Variants in NFIX observed in about 807,000 individuals in gnomAD.
NFIX encodes nuclear factor 1 X-type.
NFIX carries 2 observed loss-of-function variants against 53.3 expected under a neutral mutation model. That is an observed-to-expected ratio of 0.04 (90% CI 0.02 to 0.12). NFIX has a LOEUF of 0.12. Ranked by LOEUF, NFIX falls within the 10% of genes least tolerant of loss-of-function variation. The pLI, the probability that NFIX is intolerant of heterozygous loss-of-function variation, is 1.00. For missense variants in NFIX, 310 were observed against 674.5 expected, an observed-to-expected ratio of 0.46 and a Z score of 5.99; for synonymous variants, 244 against 289.0, an observed-to-expected ratio of 0.84 and a Z score of 1.58.
chr19:13,003,408 C>T (rs1599704818), intron 1 of NFIX, among the ~76,000 whole-genome samples: 2 of 152,130 alleles, frequency 1.3e-5, no homozygotes, highest in Admixed American at 6.5e-5. Flanking sequence ...GCTCTGCCAC[C>T]GTCAAATGCA....
intron 1 of NFIX, chr19:13,024,362 T>G: frequency 6.7e-6 from 3 of 446,544 alleles, no homozygotes; most frequent in Non-Finnish European, 8.9e-6. Context: ...ATATTTAGGA[T>G]TTAGGTCTGA....
intron 2 of NFIX, among the ~76,000 whole-genome samples, chr19:13,047,829 G>T (rs922443): frequency 0.016 from 2,429 of 152,280 alleles, 33 homozygotes; most frequent in African/African-American, 0.033. Flanking sequence ...ACTTGGGGAA[G>T]ACAGGCCCCT....
intron 2 of NFIX, among the ~76,000 whole-genome samples, chr19:13,031,596 A>T (rs1427726099): frequency 6.6e-6 from 1 of 152,148 alleles, no homozygotes; most frequent in Non-Finnish European, 1.5e-5. Flanking sequence ...TCTTGCGTGT[A>T]CCTGGCAGGC....
chr19:13,069,244 T>C (rs1237632286), intron 2 of NFIX, among the ~76,000 whole-genome samples: 1 of 151,818 alleles, frequency 6.6e-6, no homozygotes, highest in Non-Finnish European at 1.5e-5. Flanking sequence ...AACTTGGGGG[T>C]GCACAGTTAG....
chr19:13,058,614 C>T (rs2145356946), intron 2 of NFIX, among the ~76,000 whole-genome samples: 1 of 151,580 alleles, frequency 6.6e-6, no homozygotes, highest in African/African-American at 2.4e-5. Flanking sequence ...GGTCCTTAAG[C>T]CCAGGAGTTT....
intron 2 of NFIX, among the ~76,000 whole-genome samples, chr19:13,029,868 C>T (rs2013663450): frequency 6.6e-6 from 1 of 152,228 alleles, no homozygotes; most frequent in African/African-American, 2.4e-5. Context: ...TGAGGGAGGG[C>T]TGCCCATCCA....
At chr19:13,018,747 G>C (rs1234664543) in intron 1 of NFIX, among the ~76,000 whole-genome samples, 1 of 152,216 alleles carries the variant, frequency 6.6e-6, no homozygotes, top group Admixed American at 6.5e-5. Flanking sequence ...CCCATCTCTG[G>C]CCGCTGTCTG....
At chr19:13,053,557 C>A (rs913939765) in intron 2 of NFIX, among the ~76,000 whole-genome samples, 1 of 152,100 alleles carries the variant, frequency 6.6e-6, no homozygotes, top group African/African-American at 2.4e-5. Flanking sequence ...GGGAGAAAGG[C>A]CCCTAACCAT....
At position 13,073,814 on chromosome 19, in the gene NFIX, C is replaced by G; in HGVS notation, c.698-92C>G. On this transcript the variant is annotated intron_variant, in intron 4 of 10. Transcript: ENST00000592199. The surrounding 1 kb of genome is among the most constrained non-coding windows in gnomAD (Gnocchi z 4.5). The stretch of plus-strand genomic sequence containing the variant: ...CTCCTGGCCCCACAGTAAACTCACC[C>G]TGGGCTTCTGGGAAGCTGTTCATGA... The G allele has an allele frequency of 1.3e-6, 2 of 1,554,136 alleles. No homozygotes were observed. Among genetic ancestry groups the G allele is most frequent in the South Asian group, 1.2e-5 (1 of 86,924 alleles).
chr19:13,047,763 GCT>G (rs1168531446), intron 2 of NFIX, among the ~76,000 whole-genome samples: 2 of 152,064 alleles, frequency 1.3e-5, no homozygotes, highest in African/African-American at 4.8e-5. Context: ...CATGTCCCCT[GCT>G]CTCTCTCTCC....
rs1195613991 is a variant in NFIX at position 13,089,104 on chromosome 19, C to A, written c.1402+968C>A. 6.6e-6 allele frequency among the ~76,000 whole-genome samples: 1 copy of A among 152,132 alleles called. No individual in the cohort carries two copies. Among genetic ancestry groups the A allele is most frequent in the Non-Finnish European group, 1.5e-5 (1 of 68,018 alleles). On this transcript the variant is annotated intron_variant, in intron 9 of 10. Transcript: ENST00000592199. This position sits in a 1 kb window ranked among gnomAD's most constrained non-coding sequence, Gnocchi z 4.8. ...CTCCTCCTTTCTCGTGGTTTGAGTT[C>A]TTTTCCCCTCTCCATCCTCTTCATG... is the stretch of plus-strand genomic sequence containing the variant.
rs1353465208 is a variant in NFIX, at chr19:13,094,399, C to T, written c.1495-236C>T. ...CTGGGCACAGTGCCCACGGGAAGGCCAGCTGGACTCTAGCACTAGGGGCAG... is the reference window on the plus strand; with the variant it reads ...CTGGGCACAGTGCCCACGGGAAGGCTAGCTGGACTCTAGCACTAGGGGCAG... On this transcript the variant is annotated intron_variant, in intron 10 of 10. Coordinates refer to ENST00000592199, the MANE Select transcript of NFIX (RefSeq NM_001365902.3). The surrounding 1 kb of genome is among the most constrained non-coding windows in gnomAD (Gnocchi z 4.3). Among the ~76,000 whole-genome samples, 1 of 152,212 alleles carries T rather than the reference C, an allele frequency of 6.6e-6. No individual in the cohort carries two copies. Among genetic ancestry groups the T allele is most frequent in the African/African-American group, 2.4e-5 (1 of 41,468 alleles).
chr19:13,077,371 C>T (rs1029861520), intron 6 of NFIX, among the ~76,000 whole-genome samples: 1 of 152,174 alleles, frequency 6.6e-6, no homozygotes, highest in Non-Finnish European at 1.5e-5. Context: ...CCTCACCCCG[C>T]TGTGTGTTGT....
chr19:13,071,982 A>T (rs781605501), intron 2 of NFIX, among the ~76,000 whole-genome samples: 26 of 152,242 alleles, frequency 1.7e-4, no homozygotes, highest in Non-Finnish European at 3.7e-4. Flanking sequence ...GGCGAGACCC[A>T]GGAGGCAGGA....
chr19:13,088,829 GTC>G lies in NFIX; in HGVS notation c.1402+699_1402+700del, dbSNP rs991735815. On this transcript the variant is annotated intron_variant, in intron 9 of 10. Transcript: ENST00000592199. This position sits in a 1 kb window ranked among gnomAD's most constrained non-coding sequence, Gnocchi z 5.9. The stretch of plus-strand genomic sequence containing the variant: ...TTTGGCTTACTTCATCTCTCTCTCT[GTC>G]TCTCTTTCTTTTCTTTTCTTTTCTT... 6.6e-6 allele frequency among the ~76,000 whole-genome samples: 1 copy of G among 151,932 alleles called. No homozygotes were observed. The highest frequency in any genetic ancestry group is 6.5e-5 in the Admixed American group (1 of 15,274).
chr19:13,023,906 T>C (rs1339011522), intron 1 of NFIX: 1 of 777,512 alleles, frequency 1.3e-6, no homozygotes, highest in Non-Finnish European at 2.1e-6. Context: ...TAACCCCCTT[T>C]AAAACATTTA....
At position 13,001,843 on chromosome 19, in the gene NFIX, T is replaced by C. The variant is rs2011716466; in HGVS notation, c.27+5979T>C. Among the ~76,000 whole-genome samples, 1 of 152,192 alleles carries C rather than the reference T, an allele frequency of 6.6e-6. No homozygotes were observed. The highest frequency in any genetic ancestry group is 2.4e-5 in the African/African-American group (1 of 41,454). ...AAGCGGCTGGGAGCGGGCTGGCTGC[T>C]CAGTCCCTTCCCATGAGGTTGAGCG... On this transcript the variant is annotated intron_variant, in intron 1 of 10. Coordinates refer to ENST00000592199, the MANE Select transcript of NFIX (RefSeq NM_001365902.3). The surrounding 1 kb of genome is among the most constrained non-coding windows in gnomAD (Gnocchi z 6.5).
At chr19:13,086,090 C>G (rs1248024119) in intron 8 of NFIX, among the ~76,000 whole-genome samples, 1 of 152,252 alleles carries the variant, frequency 6.6e-6, no homozygotes, top group African/African-American at 2.4e-5. Context: ...AATAGTCTTT[C>G]ATACAGAGAG....
At chr19:13,016,013 G>T (rs1450893384) in intron 1 of NFIX, among the ~76,000 whole-genome samples, 1 of 152,134 alleles carries the variant, frequency 6.6e-6, no homozygotes, top group Non-Finnish European at 1.5e-5. Context: ...AAAATTTAAG[G>T]CTTGTTCAGC....
Sources: allele counts gnomAD v4.1 joint callset (sites outside exome capture counted in the v4.1 genomes callset), GRCh38; gene constraint gnomAD v4.1.1; non-coding constraint Gnocchi (gnomAD v3.1); transcripts MANE v1.5; gene names NCBI Gene and HGNC (gene_info 2026-07-23, HGNC 2026-07-21).